The following NUP210 variants were observed in gnomAD, a reference collection of about 807,000 sequenced individuals.
NUP210 encodes nuclear pore membrane glycoprotein 210.
A neutral mutation model predicts 196.0 loss-of-function variants in NUP210; 151 were observed. The observed-to-expected ratio is 0.77, with a 90% CI of 0.67 to 0.88. The LOEUF (loss-of-function observed/expected upper bound fraction) is 0.88. NUP210 is among the 40% of genes least tolerant of loss of function. NUP210 has a pLI of 0.00. For synonymous variants in NUP210, 1,070 were observed against 1,052.7 expected (o/e 1.02, Z -0.32); for missense variants, 2,314 against 2,493.7 (o/e 0.93, Z 1.53).
intron 14 of NUP210, 93 bp from the exon 15 acceptor site, chr3:13,360,584 G>C: frequency 1.1e-6 from 1 of 930,174 alleles, no homozygotes; most frequent in South Asian, 1.7e-5. Flanking sequence ...CCCCGCTTGT[G>C]GGGGCTGGTG....
At chr3:13,404,127 C>T (rs1699927543) in intron 1 of NUP210, among the ~76,000 whole-genome samples, 1 of 152,204 alleles carries the variant, frequency 6.6e-6, no homozygotes, top group South Asian at 2.1e-4. Context: ...CATTTTGAGC[C>T]CACCCATAGC....
Position 13,379,860 on chromosome 3 carries a change from C to T in NUP210, c.818-139G>A. On this transcript the variant is annotated intron_variant, in intron 6 of 39. Coordinates refer to ENST00000254508, the MANE Select transcript of NUP210 (RefSeq NM_024923.4). The surrounding 1 kb of genome is among the most constrained non-coding windows in gnomAD (Gnocchi z 4.2). ...GCTGACGCATTTTCTTAATTGTTTT[C>T]AGTGCTTTAAATGTTAATATTGTTC... 3.0e-6 allele frequency: 2 copies of T among 661,592 alleles called. No individual in the cohort carries two copies. Among genetic ancestry groups the T allele is most frequent in the Non-Finnish European group, 4.8e-6 (2 of 417,108 alleles). 41.0% of individuals were successfully genotyped at this position (661,592 alleles called of 1,614,324 possible). A position where few individuals can be genotyped will look rare whatever the true frequency, so the allele number is the denominator to read the frequency against.
chr3:13,378,359 G>A lies in NUP210; in HGVS notation c.1045+553C>T, dbSNP rs117948532. ...CAGGTTCTCAGTCCCCTGCAACACA[G>A]GATACCACAGCACTCTTGCTGTCCC... On this transcript the variant is annotated intron_variant, in intron 8 of 39. Coordinates refer to ENST00000254508, the MANE Select transcript of NUP210 (RefSeq NM_024923.4). Among the ~76,000 whole-genome samples the A allele has an allele frequency of 4.6e-5, 7 of 152,312 alleles. No individual in the cohort carries two copies. In the East Asian group the frequency reaches 1.3e-3, roughly 29 times the overall value.
At chr3:13,374,019 C>G in intron 11 of NUP210, 146 bp from the exon 12 acceptor site, 3 of 920,386 alleles carry the variant, frequency 3.3e-6, no homozygotes, top group South Asian at 1.6e-5. Flanking sequence ...CATGCACACA[C>G]TCACCATTCA....
At chr3:13,369,973 T>C (rs999753455) in intron 13 of NUP210, among the ~76,000 whole-genome samples, 1 of 152,210 alleles carries the variant, frequency 6.6e-6, no homozygotes, top group Non-Finnish European at 1.5e-5. Context: ...TCTGGCTACC[T>C]GTGCTCTGAG....
chr3:13,346,081 T>C (rs1576367423), intron 20 of NUP210, among the ~76,000 whole-genome samples: 1 of 152,322 alleles, frequency 6.6e-6, no homozygotes, highest in East Asian at 1.9e-4. Context: ...AACAGAGACA[T>C]AAAATGGCAG....
intron 6 of NUP210, among the ~76,000 whole-genome samples, chr3:13,382,723 C>T (rs776628528): frequency 5.9e-5 from 9 of 152,356 alleles, no homozygotes; most frequent in Admixed American, 3.3e-4. Flanking sequence ...GAGGCTTCCA[C>T]AGGATGCCGG....
intron 18 of NUP210, 133 bp downstream of exon 18, chr3:13,353,421 G>A (rs1698050012): frequency 1.4e-6 from 1 of 718,808 alleles, no homozygotes; most frequent in Non-Finnish European, 2.4e-6. Context: ...GGGCCTCCAA[G>A]AGGCTGGGGT....
intron 10 of NUP210, among the ~76,000 whole-genome samples, 193 bp downstream of exon 10, chr3:13,376,098 G>C (rs1221797601): frequency 1.3e-5 from 2 of 152,208 alleles, no homozygotes; most frequent in Non-Finnish European, 2.9e-5. Context: ...AATCAGCAAA[G>C]CTCTGCTCCC....
In NUP210 at chr3:13,317,554, G is replaced by A. The variant is rs1420835434; in HGVS notation, c.*127C>T. Reference sequence around the variant, plus strand: ...CAGCTCTGTGTGAAGAGACGGCAGTGAAGCTGGCCTGGGGCCGGGGCACTC... The same window carrying A: ...CAGCTCTGTGTGAAGAGACGGCAGTAAAGCTGGCCTGGGGCCGGGGCACTC... On this transcript the variant is annotated 3_prime_UTR_variant, in exon 40 of 40. Coordinates refer to ENST00000254508, the MANE Select transcript of NUP210 (RefSeq NM_024923.4). 1.4e-6 allele frequency: 1 copy of A among 715,418 alleles called. No individual in the cohort carries two copies. The highest frequency in any genetic ancestry group is 2.5e-6 in the Non-Finnish European group (1 of 405,146). 44.3% of individuals were successfully genotyped at this position (715,418 alleles called of 1,614,324 possible).
intron 6 of NUP210, among the ~76,000 whole-genome samples, chr3:13,381,274 G>C (rs537962610): frequency 4.6e-5 from 7 of 152,160 alleles, no homozygotes; most frequent in Non-Finnish European, 8.8e-5. Flanking sequence ...AATGAGTAAG[G>C]CCCTTTTGGG....
At chr3:13,324,913 A>G (rs933784651) in intron 33 of NUP210, among the ~76,000 whole-genome samples, 1 of 152,192 alleles carries the variant, frequency 6.6e-6, no homozygotes, top group Non-Finnish European at 1.5e-5. Context: ...CTAAATCCTC[A>G]CAACGCTATC....
chr3:13,384,016 G>C (rs2124927382), intron 6 of NUP210, among the ~76,000 whole-genome samples: 1 of 152,318 alleles, frequency 6.6e-6, no homozygotes, highest in East Asian at 1.9e-4. Context: ...AGGCTGGAGT[G>C]CAATGGCGCA....
rs775572262 is a variant in NUP210, at chr3:13,379,737, C to A, written c.818-16G>T. 4 of 1,548,282 alleles carry A rather than the reference C, an allele frequency of 2.6e-6. No homozygotes were observed. The highest frequency in any genetic ancestry group is 1.4e-5 in the African/African-American group (1 of 71,952). ...ATGGAGAGTTCTGGCCACCAAGAAA[C>A]AAAAAATAACAGGGAAAGAGAGAGC... is the stretch of plus-strand genomic sequence containing the variant. On this transcript the variant is annotated splice_polypyrimidine_tract_variant and intron_variant, in intron 6 of 39. Transcript: ENST00000254508. The surrounding 1 kb of genome is among the most constrained non-coding windows in gnomAD (Gnocchi z 4.2).
At chr3:13,412,132 C>A (rs1361545203) in intron 1 of NUP210, among the ~76,000 whole-genome samples, 1 of 152,000 alleles carries the variant, frequency 6.6e-6, no homozygotes. Flanking sequence ...TGGATCACTG[C>A]AGCCTTGACC....
Position 13,348,000 on chromosome 3 carries a change from G to A in NUP210, c.2835+3879C>T, listed in dbSNP as rs1021938755. Among the ~76,000 whole-genome samples, 2 of 152,186 alleles carry A rather than the reference G, an allele frequency of 1.3e-5. No individual in the cohort carries two copies. Among genetic ancestry groups the A allele is most frequent in the African/African-American group, 2.4e-5 (1 of 41,440 alleles). ...GAGCAGTTCGCAGGGCCTGTGGCAC[G>A]GGCTGCTGCTTGCCATAGGGGAGAC... is the stretch of plus-strand genomic sequence containing the variant. On this transcript the variant is annotated intron_variant, in intron 20 of 39. Transcript: ENST00000254508. This position sits in a 1 kb window ranked among gnomAD's most constrained non-coding sequence, Gnocchi z 4.7.
chr3:13,368,572 C>T (rs1698620196), intron 13 of NUP210, among the ~76,000 whole-genome samples: 1 of 152,172 alleles, frequency 6.6e-6, no homozygotes, highest in South Asian at 2.1e-4. Flanking sequence ...ACCCAATATA[C>T]AGTAACTTCC....
chr3:13,345,764 G>A (rs1697699136), intron 20 of NUP210, among the ~76,000 whole-genome samples: 1 of 152,216 alleles, frequency 6.6e-6, no homozygotes, highest in South Asian at 2.1e-4. Flanking sequence ...GAGGAGCAGG[G>A]TCCAGGAGCC....
At chr3:13,402,838 T>A (rs1290233557) in intron 1 of NUP210, among the ~76,000 whole-genome samples, 1 of 152,196 alleles carries the variant, frequency 6.6e-6, no homozygotes, top group Non-Finnish European at 1.5e-5. Flanking sequence ...TACACAACAC[T>A]TCCCTCAACA....
Sources: allele counts gnomAD v4.1 joint callset (sites outside exome capture counted in the v4.1 genomes callset), GRCh38; gene constraint gnomAD v4.1.1; non-coding constraint Gnocchi (gnomAD v3.1); transcripts MANE v1.5; gene names NCBI Gene and HGNC (gene_info 2026-07-23, HGNC 2026-07-21).